KLF6: variants seen among roughly 807,000 people sequenced by gnomAD.
KLF6 encodes the protein Krueppel-like factor 6.
For missense variants in KLF6, 233 were observed against 359.8 expected (o/e 0.65, Z 2.85); for synonymous variants, 152 against 147.9 (o/e 1.03, Z -0.20).
At position 3,777,831 on chromosome 10, in the gene KLF6, T is replaced by A. The variant is rs558672893; in HGVS notation, c.*1708A>T. The A allele has an allele frequency of 5.6e-4, 269 of 480,824 alleles. 4 individuals carry two copies. The highest frequency in any genetic ancestry group is 3.7e-3 in the South Asian group (235 of 63,658). 29.8% of individuals were successfully genotyped at this position (480,824 alleles called of 1,614,324 possible). On this transcript the variant is annotated 3_prime_UTR_variant, in exon 4 of 4. Coordinates refer to ENST00000497571, the MANE Select transcript of KLF6 (RefSeq NM_001300.6). ...TACACAAGAATTCTGCCCACTTTTTTAAAAAAGTAGTATACTTTCTGTATT... is the reference window on the plus strand; with the variant it reads ...TACACAAGAATTCTGCCCACTTTTTAAAAAAAGTAGTATACTTTCTGTATT...
At position 3,779,072 on chromosome 10, in the gene KLF6, T is replaced by G; in HGVS notation, c.*467A>C. ...TTGATTTTTCTTTTTTTTTCTAAGG[T>G]GCAGACACCCCCTCCCCCCAAGGAA... On this transcript the variant is annotated 3_prime_UTR_variant, in exon 4 of 4. Transcript: ENST00000497571. 3.7e-6 allele frequency: 2 copies of G among 535,714 alleles called. No homozygotes were observed. Among genetic ancestry groups the G allele is most frequent in the Non-Finnish European group, 7.2e-6 (2 of 277,066 alleles). 33.2% of individuals were successfully genotyped at this position (535,714 alleles called of 1,614,324 possible). A position where few individuals can be genotyped will look rare whatever the true frequency, so the allele number is the denominator to read the frequency against.
At position 3,776,652 on chromosome 10, in the gene KLF6, C is replaced by T; in HGVS notation, c.*2887G>A. The T allele has an allele frequency of 2.7e-6, 1 of 370,356 alleles. No individual in the cohort carries two copies. Among genetic ancestry groups the T allele is most frequent in the Admixed American group, 3.5e-5 (1 of 28,584 alleles). The allele number at this position is 370,356 out of a possible 1,614,324, so 22.9% of individuals were successfully genotyped here. A position where few individuals can be genotyped will look rare whatever the true frequency, so the allele number is the denominator to read the frequency against. On this transcript the variant is annotated 3_prime_UTR_variant, in exon 4 of 4. Transcript: ENST00000497571. The stretch of plus-strand genomic sequence containing the variant: ...CAATTTCAAATAAAATCTTGTAAAA[C>T]AAAATTTTACAAAAATCTTACAAAG...
At position 3,779,512 on chromosome 10, in the gene KLF6, G is replaced by T; in HGVS notation, c.*27C>A. The stretch of plus-strand genomic sequence containing the variant: ...CGGCTCTCAGCCTGGAAGCCTTTTA[G>T]CCTACAGGATCCACCTCTCTGCTCC... On this transcript the variant is annotated 3_prime_UTR_variant, in exon 4 of 4. Transcript: ENST00000497571. The T allele has an allele frequency of 6.2e-7, 1 of 1,603,414 alleles. No homozygotes were observed. The highest frequency in any genetic ancestry group is 8.5e-7 in the Non-Finnish European group (1 of 1,170,194).
rs1001136930 is a variant in KLF6 at position 3,779,129 on chromosome 10, C to T, written c.*410G>A. The stretch of plus-strand genomic sequence containing the variant: ...GGTGGTCATCTCATCTCATGGTATA[C>T]TCCTTACACACAAAACATTCAAACT... On this transcript the variant is annotated 3_prime_UTR_variant, in exon 4 of 4. Transcript: ENST00000497571. The T allele has an allele frequency of 7.4e-6, 4 of 537,654 alleles. No homozygotes were observed. The highest frequency in any genetic ancestry group is 1.4e-5 in the Non-Finnish European group (4 of 278,612). The allele number at this position is 537,654 out of a possible 1,614,324, so 33.3% of individuals were successfully genotyped here. A position where few individuals can be genotyped will look rare whatever the true frequency, so the allele number is the denominator to read the frequency against.
Position 3,777,204 on chromosome 10 carries a change from A to T in KLF6, c.*2335T>A, listed in dbSNP as rs185734991. ...GATCAAACAAAATACCAGCCCAGCC[A>T]GACTCACATGTGTGTATATATATAT... is the stretch of plus-strand genomic sequence containing the variant. On this transcript the variant is annotated 3_prime_UTR_variant, in exon 4 of 4. Transcript: ENST00000497571. The T allele has an allele frequency of 7.7e-5, 40 of 516,932 alleles. No individual in the cohort carries two copies. In the Middle Eastern group the frequency reaches 2.2e-3, roughly 28 times the overall value. 32.0% of individuals were successfully genotyped at this position (516,932 alleles called of 1,614,324 possible). A position where few individuals can be genotyped will look rare whatever the true frequency, so the allele number is the denominator to read the frequency against.
Position 3,777,693 on chromosome 10 carries a change from G to A in KLF6, c.*1846C>T. ...TTTGAAATATTTCTTCACAGGCTGT[G>A]GAATTTTCTAGCTAAACATTCTAGT... On this transcript the variant is annotated 3_prime_UTR_variant, in exon 4 of 4. Transcript: ENST00000497571. 4 of 443,304 alleles carry A rather than the reference G, an allele frequency of 9.0e-6. No individual in the cohort carries two copies. The highest frequency in any genetic ancestry group is 6.7e-4 in the Middle Eastern group (1 of 1,496). 27.5% of individuals were successfully genotyped at this position (443,304 alleles called of 1,614,324 possible). A position where few individuals can be genotyped will look rare whatever the true frequency, so the allele number is the denominator to read the frequency against.
Position 3,776,031 on chromosome 10 carries a change from T to A in KLF6, c.*3508A>T, listed in dbSNP as rs778947680. ...GTCATCTTTTATTTTCTGCCCTCCT[T>A]GACTGAGAGTGGGCTGAGGTTGTGA... On this transcript the variant is annotated 3_prime_UTR_variant, in exon 4 of 4. Transcript: ENST00000497571. 40 of 499,866 alleles carry A rather than the reference T, an allele frequency of 8.0e-5. No homozygotes were observed. Among genetic ancestry groups the A allele is most frequent in the Admixed American group, 6.9e-4 (30 of 43,338 alleles). 31.0% of individuals were successfully genotyped at this position (499,866 alleles called of 1,614,324 possible).
rs1467626814 is a variant in KLF6 at position 3,776,480 on chromosome 10, G to A, written c.*3059C>T. ...AATGAAGATTTGCCCCCAGGAGGAA[G>A]CCAGGGTGATGAATGCAGGAGGAAT... On this transcript the variant is annotated 3_prime_UTR_variant, in exon 4 of 4. Coordinates refer to ENST00000497571, the MANE Select transcript of KLF6 (RefSeq NM_001300.6). The A allele has an allele frequency of 3.8e-6, 2 of 531,304 alleles. No individual in the cohort carries two copies. The highest frequency in any genetic ancestry group is 1.5e-5 in the South Asian group (1 of 65,132). 32.9% of individuals were successfully genotyped at this position (531,304 alleles called of 1,614,324 possible).
intron 1 of KLF6, among the ~76,000 whole-genome samples, 178 bp downstream of exon 1, chr10:3,784,735 T>G (rs945775352): frequency 4.6e-5 from 7 of 152,138 alleles, no homozygotes; most frequent in Admixed American, 1.3e-4. Context: ...GGGGCTTCCC[T>G]GGGCGGACGC....
rs537666833 is a variant in KLF6, at chr10:3,781,835, A to T, written c.482T>A (p.Leu161Gln). The change falls in exon 2 of 4, where the codon CTG (leucine) becomes CAG (glutamine). Residue 161 changes from leucine to glutamine, a missense_variant. By Grantham distance (113) the Leu-to-Gln change is moderately radical. Transcript: ENST00000497571. This position sits in a 1 kb window ranked among gnomAD's most constrained non-coding sequence, Gnocchi z 5.8. ...SPELSREPSQ[L>Q]WGCVPGELPS... is the part of the protein sequence containing the mutation. ...CAGCTCCCCGGGCACGCAACCCCAC[A>T]GTTGAGAAGGTTCCCTGCTCAGTTC... 1.2e-6 allele frequency: 2 copies of T among 1,614,232 alleles called. No homozygotes were observed. Among genetic ancestry groups the T allele is most frequent in the Admixed American group, 1.7e-5 (1 of 60,032 alleles).
rs1477342179 is a variant in KLF6, at chr10:3,779,234, C to T, written c.*305G>A. 1 of 582,926 alleles carries T rather than the reference C, an allele frequency of 1.7e-6. No homozygotes were observed. The highest frequency in any genetic ancestry group is 3.2e-6 in the Non-Finnish European group (1 of 308,910). 36.1% of individuals were successfully genotyped at this position (582,926 alleles called of 1,614,324 possible). ...CATCATACGGTCAGTAATAGATCCT[C>T]AACATACAATCAACCCAACCATTAG... On this transcript the variant is annotated 3_prime_UTR_variant, in exon 4 of 4. Transcript: ENST00000497571.
In KLF6 at chr10:3,777,751, A is replaced by C. The variant is rs1178246308; in HGVS notation, c.*1788T>G. 4 of 261,046 alleles carry C rather than the reference A, an allele frequency of 1.5e-5. No individual in the cohort carries two copies. The highest frequency in any genetic ancestry group is 2.9e-5 in the Non-Finnish European group (4 of 137,396). The allele number at this position is 261,046 out of a possible 1,614,324, so 16.2% of individuals were successfully genotyped here. A position where few individuals can be genotyped will look rare whatever the true frequency, so the allele number is the denominator to read the frequency against. On this transcript the variant is annotated 3_prime_UTR_variant, in exon 4 of 4. Coordinates refer to ENST00000497571, the MANE Select transcript of KLF6 (RefSeq NM_001300.6). ...TAAAAAAAATATTTATATATTATCT[A>C]TATATATAATATATATATATACACA...
Position 3,780,465 on chromosome 10 carries a change from G to A in KLF6, c.677-236C>T. 2 of 583,794 alleles carry A rather than the reference G, an allele frequency of 3.4e-6. No individual in the cohort carries two copies. The highest frequency in any genetic ancestry group is 6.2e-6 in the Non-Finnish European group (2 of 323,300). 36.2% of individuals were successfully genotyped at this position (583,794 alleles called of 1,614,324 possible). ...CAGCTTCAGCCAAGCCCATGGTGCT[G>A]TCATCAAAGTTAACGTGGAAGAACG... On this transcript the variant is annotated intron_variant, in intron 2 of 3. Transcript: ENST00000497571. This position sits in a 1 kb window ranked among gnomAD's most constrained non-coding sequence, Gnocchi z 4.6.
rs754738657 is a variant in KLF6, at chr10:3,778,381, A to C, written c.*1158T>G. 3 of 524,802 alleles carry C rather than the reference A, an allele frequency of 5.7e-6. No individual in the cohort carries two copies. Among genetic ancestry groups the C allele is most frequent in the Non-Finnish European group, 1.1e-5 (3 of 270,464 alleles). 32.5% of individuals were successfully genotyped at this position (524,802 alleles called of 1,614,324 possible). Reference sequence around the variant, plus strand: ...ATAAGAGAAACATAGCTGCATGAGAAAACAGTTTCTAAGCGTTAGTGGTTT... The same window carrying C: ...ATAAGAGAAACATAGCTGCATGAGACAACAGTTTCTAAGCGTTAGTGGTTT... On this transcript the variant is annotated 3_prime_UTR_variant, in exon 4 of 4. Coordinates refer to ENST00000497571, the MANE Select transcript of KLF6 (RefSeq NM_001300.6).
At position 3,777,100 on chromosome 10, in the gene KLF6, T is replaced by C; in HGVS notation, c.*2439A>G. On this transcript the variant is annotated 3_prime_UTR_variant, in exon 4 of 4. Transcript: ENST00000497571. Reference sequence around the variant, plus strand: ...CCTCTTAAGTAAAACGAAATGAGTTTCTTAGGTAAATGTATTCATCAGCCC... The same window carrying C: ...CCTCTTAAGTAAAACGAAATGAGTTCCTTAGGTAAATGTATTCATCAGCCC... 1.9e-6 allele frequency: 1 copy of C among 514,132 alleles called. No homozygotes were observed. Among genetic ancestry groups the C allele is most frequent in the Non-Finnish European group, 3.8e-6 (1 of 263,898 alleles). The allele number at this position is 514,132 out of a possible 1,614,324, so 31.8% of individuals were successfully genotyped here.
Position 3,785,056 on chromosome 10 carries a change from G to C in KLF6, c.-42C>G, listed in dbSNP as rs369878130. Reference sequence around the variant, plus strand: ...CGGAGCCCGCGGTCGCGAGGGCGGCGAGGCGCGCGGTGGGAGCCGGAGCCG... The same window carrying C: ...CGGAGCCCGCGGTCGCGAGGGCGGCCAGGCGCGCGGTGGGAGCCGGAGCCG... On this transcript the variant is annotated 5_prime_UTR_variant, in exon 1 of 4. Transcript: ENST00000497571. The C allele has an allele frequency of 1.4e-5, 22 of 1,608,470 alleles. No individual in the cohort carries two copies. In the African/African-American group the frequency reaches 2.8e-4, roughly 21 times the overall value.
chr10:3,782,364 G>C lies in KLF6; in HGVS notation c.103-150C>G. 1.4e-6 allele frequency: 1 copy of C among 701,030 alleles called. No individual in the cohort carries two copies. Among genetic ancestry groups the C allele is most frequent in the Non-Finnish European group, 2.5e-6 (1 of 392,590 alleles). The allele number at this position is 701,030 out of a possible 1,614,324, so 43.4% of individuals were successfully genotyped here. On this transcript the variant is annotated intron_variant, in intron 1 of 3. Transcript: ENST00000497571. This position sits in a 1 kb window ranked among gnomAD's most constrained non-coding sequence, Gnocchi z 4.3. ...CAAAACCTTTTGTAATTAAGCATCC[G>C]TGTCCTTACGGAAGTTAGAGGAAAT...
Position 3,782,065 on chromosome 10 carries a change from A to T in KLF6, c.252T>A (p.Ser84Arg). Residue 84 changes from serine (S) to arginine (R), a missense_variant, in exon 2 of 4, where the codon AGT (serine) becomes AGA (arginine). By Grantham distance (110) the Ser-to-Arg change is moderately radical (BLOSUM62 -1). Coordinates refer to ENST00000497571, the MANE Select transcript of KLF6 (RefSeq NM_001300.6). The surrounding 1 kb of genome is among the most constrained non-coding windows in gnomAD (Gnocchi z 4.3). ...KEESELKISSSPPEDTLISPS... is the reference protein window; with the variant it reads ...KEESELKISSRPPEDTLISPS... ...GGCTGATGAGAGTGTCCTCTGGAGG[A>T]CTGGAAGATATCTTCAGTTCGGATT... 1 of 1,614,176 alleles carries T rather than the reference A, an allele frequency of 6.2e-7. No homozygotes were observed. The highest frequency in any genetic ancestry group is 2.2e-5 in the East Asian group (1 of 44,882).
In KLF6 at chr10:3,777,007, AAGG is replaced by A; in HGVS notation, c.*2529_*2531del. On this transcript the variant is annotated 3_prime_UTR_variant, in exon 4 of 4. Transcript: ENST00000497571. ...TGGCTAAGCACATAGAAGGCCAAAA[AAGG>A]AGTTTTCCAAACCCAGCAAATCAAG... The A allele has an allele frequency of 3.9e-6, 2 of 518,170 alleles. No individual in the cohort carries two copies. Among genetic ancestry groups the A allele is most frequent in the Non-Finnish European group, 7.5e-6 (2 of 266,142 alleles). The allele number at this position is 518,170 out of a possible 1,614,324, so 32.1% of individuals were successfully genotyped here.
Sources: allele counts gnomAD v4.1 joint callset (sites outside exome capture counted in the v4.1 genomes callset), GRCh38; gene constraint gnomAD v4.1.1; non-coding constraint Gnocchi (gnomAD v3.1); transcripts MANE v1.5; gene names NCBI Gene and HGNC (gene_info 2026-07-23, HGNC 2026-07-21).